Variants in VPS13B observed in about 807,000 individuals in gnomAD.
VPS13B encodes the protein intermembrane lipid transfer protein VPS13B.
In VPS13B, 285 loss-of-function variants were observed where a neutral mutation model predicts 426.4. That is an observed-to-expected ratio of 0.67 (90% CI 0.61 to 0.74). VPS13B has a LOEUF of 0.74. Ranked by LOEUF, VPS13B falls within the 30% of genes least tolerant of loss-of-function variation. VPS13B has a pLI of 0.00. For missense variants in VPS13B, 4,537 were observed against 4,782.6 expected, an observed-to-expected ratio of 0.95 and a Z score of 1.51; for synonymous variants, 1,676 against 1,676.4, an observed-to-expected ratio of 1.00 and a Z score of 0.01.
At chr8:99,793,254 C>CATATATATATATATATATATATAT (rs779913773) in intron 43 of VPS13B, among the ~76,000 whole-genome samples, 50 of 107,008 alleles carry the variant, frequency 4.7e-4, no homozygotes, top group African/African-American at 7.9e-4. Flanking sequence ...TTGCCCTCTC[C>CATATATATATATATATATATATAT]ATATATATAT....
At chr8:99,098,466 A>C (rs751100661) in intron 4 of VPS13B, among the ~76,000 whole-genome samples, 4 of 152,154 alleles carry the variant, frequency 2.6e-5, no homozygotes, top group Non-Finnish European at 5.9e-5. Flanking sequence ...TATTTCAATC[A>C]GTGGCATACA....
intron 39 of VPS13B, among the ~76,000 whole-genome samples, chr8:99,721,837 C>A (rs951450884): frequency 3.3e-5 from 5 of 152,204 alleles, no homozygotes; most frequent in Admixed American, 1.3e-4. Context: ...GCTGATACAA[C>A]TTGAGTTCAA....
At chr8:99,415,123 C>G (rs1388865227) in intron 21 of VPS13B, among the ~76,000 whole-genome samples, 1 of 151,822 alleles carries the variant, frequency 6.6e-6, no homozygotes, top group Non-Finnish European at 1.5e-5. Context: ...TCTTTTTTCT[C>G]TAATCTTGTC....
chr8:99,412,699 C>G (rs1378354113), intron 21 of VPS13B, among the ~76,000 whole-genome samples: 1 of 152,118 alleles, frequency 6.6e-6, no homozygotes, highest in Non-Finnish European at 1.5e-5. Flanking sequence ...ATGATATTGA[C>G]TGTGGGTTTG....
chr8:99,172,621 G>T (rs1436993361), intron 16 of VPS13B, among the ~76,000 whole-genome samples: 1 of 152,086 alleles, frequency 6.6e-6, no homozygotes, highest in East Asian at 1.9e-4. Flanking sequence ...AGTTTTGAAG[G>T]CCCTGTTAAT....
At chr8:99,088,548 A>G (rs961560561) in intron 3 of VPS13B, among the ~76,000 whole-genome samples, 2 of 152,224 alleles carry the variant, frequency 1.3e-5, no homozygotes, top group Non-Finnish European at 2.9e-5. Flanking sequence ...AGACGTGTTC[A>G]ATTTGAGGTG....
chr8:99,205,732 A>G (rs1588139996), intron 17 of VPS13B, among the ~76,000 whole-genome samples: 1 of 152,080 alleles, frequency 6.6e-6, no homozygotes, highest in Non-Finnish European at 1.5e-5. Flanking sequence ...ATCCTTTTTT[A>G]CAGATGGGAA....
chr8:99,434,283 T>A (rs536350954), intron 22 of VPS13B, among the ~76,000 whole-genome samples: 70 of 152,170 alleles, frequency 4.6e-4, no homozygotes, highest in Non-Finnish European at 6.5e-4. Context: ...GTGAGGAAAT[T>A]GTCTCTGTGA....
At chr8:99,875,070 T>G (rs1419302755) in intron 61 of VPS13B, 1 of 334,978 alleles carries the variant, frequency 3.0e-6, no homozygotes, top group Non-Finnish European at 5.7e-6. Flanking sequence ...AGGAAAGATT[T>G]TTCTCCTTTT....
At chr8:99,773,239 T>C (rs1222208129) in intron 40 of VPS13B, among the ~76,000 whole-genome samples, 1 of 152,200 alleles carries the variant, frequency 6.6e-6, no homozygotes, top group Non-Finnish European at 1.5e-5. Flanking sequence ...ATAGTATAAA[T>C]GATAGCAGCG....
intron 49 of VPS13B, 49 bp from the exon 50 acceptor site, chr8:99,821,245 A>G: frequency 6.3e-7 from 1 of 1,599,034 alleles, no homozygotes; most frequent in South Asian, 1.1e-5. Context: ...GAAGTAAAAA[A>G]TATCAAAGGT....
At chr8:99,204,695 G>C (rs1321341120) in intron 17 of VPS13B, among the ~76,000 whole-genome samples, 1 of 151,990 alleles carries the variant, frequency 6.6e-6, no homozygotes, top group Non-Finnish European at 1.5e-5. Flanking sequence ...GTGTGCAAAA[G>C]ATATGAACAA....
At chr8:99,229,017 G>A (rs1249989954) in intron 17 of VPS13B, among the ~76,000 whole-genome samples, 1 of 152,088 alleles carries the variant, frequency 6.6e-6, no homozygotes, top group Non-Finnish European at 1.5e-5. Flanking sequence ...GTTAAAAATG[G>A]CATTTTATTT....
rs1002318603 is a variant in VPS13B at position 99,776,971 on chromosome 8, A to T, written c.7429+15A>T. 6.2e-7 allele frequency: 1 copy of T among 1,611,062 alleles called. No homozygotes were observed. Among genetic ancestry groups the T allele is most frequent in the Non-Finnish European group, 8.5e-7 (1 of 1,177,352 alleles). ...ACTAGGCACAGGTACTCTTTTTTTT[A>T]GCATCAGAATAACATCCATTTAATA... On this transcript the variant is annotated intron_variant, in intron 41 of 61. Transcript: ENST00000357162.
intron 35 of VPS13B, chr8:99,696,437 C>A: frequency 2.8e-6 from 1 of 361,104 alleles, no homozygotes; most frequent in Non-Finnish European, 5.4e-6. Context: ...CACACCCTGA[C>A]CAGGCAAAGC....
At chr8:99,600,971 C>T (rs1016839541) in intron 33 of VPS13B, among the ~76,000 whole-genome samples, 4 of 151,792 alleles carry the variant, frequency 2.6e-5, no homozygotes, top group African/African-American at 7.3e-5. Context: ...CAAGGAGAAG[C>T]TTTTTATTTG....
Position 99,123,435 on chromosome 8 carries a change from A to G in VPS13B, c.1206+1990A>G, listed in dbSNP as rs1041504698. On this transcript the variant is annotated intron_variant, in intron 8 of 61. Coordinates refer to ENST00000357162, the MANE Select transcript of VPS13B (RefSeq NM_152564.5). ...AGATAAGAGGGGTGATGAGGTTTGGAGTGGTTCACAAGTTGTAAACTGTGT... is the reference window on the plus strand; with the variant it reads ...AGATAAGAGGGGTGATGAGGTTTGGGGTGGTTCACAAGTTGTAAACTGTGT... 2.0e-5 allele frequency among the ~76,000 whole-genome samples: 3 copies of G among 152,194 alleles called. No homozygotes were observed. The South Asian group carries it at 6.2e-4, about 32-fold the overall frequency.
At chr8:99,633,723 A>G (rs774050468) in intron 33 of VPS13B, among the ~76,000 whole-genome samples, 15 of 151,918 alleles carry the variant, frequency 9.9e-5, no homozygotes, top group South Asian at 2.1e-4. Flanking sequence ...AAGAATTAAC[A>G]TCATGGCCAT....
chr8:99,835,738 G>C lies in VPS13B; in HGVS notation c.9942G>C (p.Gln3314His). 1 of 1,614,006 alleles carries C rather than the reference G, an allele frequency of 6.2e-7. No homozygotes were observed. The highest frequency in any genetic ancestry group is 8.5e-7 in the Non-Finnish European group (1 of 1,179,968). Residue 3314 changes from glutamine (Q) to histidine (H), a missense_variant and splice_region_variant, in exon 54 of 62, where the codon CAG becomes CAC. Physicochemically the swap from Gln to His is conservative, Grantham distance 24. Around this residue, in one of 2 missense-constraint regions of VPS13B, gnomAD observed 4,311 missense variants for 4,474.3 expected, o/e 0.96. Coordinates refer to ENST00000357162, the MANE Select transcript of VPS13B (RefSeq NM_152564.5). The stretch of plus-strand genomic sequence containing the variant: ...TTGACATCAACAGTCAGGGAACACA[G>C]GTCAGTGAGCCATGTGTTCCTGCCA... ...DAIDINSQGT[Q>H]VVFLTGFGYV...
Sources: gnomAD v4.1 joint callset for allele counts (sites outside exome capture counted in the v4.1 genomes callset) on GRCh38, gnomAD v4.1.1 for gene constraint, gnomAD v4.1.1 regional missense constraint, MANE v1.5 for transcripts, NCBI Gene and HGNC (gene_info 2026-07-23, HGNC 2026-07-21) for gene names.